CLYBL: variants seen among roughly 807,000 people sequenced by gnomAD.
The protein encoded by CLYBL is citramalyl-CoA lyase, also known as citramalyl-CoA lyase, mitochondrial.
CLYBL carries 31 observed loss-of-function variants against 38.9 expected under a neutral mutation model. That is an observed-to-expected ratio of 0.80 (90% CI 0.60 to 1.08). The LOEUF (loss-of-function observed/expected upper bound fraction) is 1.08. CLYBL is among the 50% of genes least tolerant of loss of function. The pLI, the probability that CLYBL is intolerant of heterozygous loss-of-function variation, is 0.00. For missense variants in CLYBL, 434 were observed against 411.6 expected (o/e 1.05, Z -0.47); for synonymous variants, 171 against 158.6 (o/e 1.08, Z -0.59).
chr13:99,803,645 G>T (rs2050176475), intron 2 of CLYBL, among the ~76,000 whole-genome samples: 1 of 152,224 alleles, frequency 6.6e-6, no homozygotes, highest in Non-Finnish European at 1.5e-5. Flanking sequence ...AAGAAAATAT[G>T]TATGTAAAAC....
intron 1 of CLYBL, among the ~76,000 whole-genome samples, chr13:99,711,922 G>C (rs2048239599): frequency 7.5e-6 from 1 of 132,988 alleles, no homozygotes; most frequent in Non-Finnish European, 1.7e-5. Flanking sequence ...TCACCATCTT[G>C]GCCAGGCTGG....
At chr13:99,654,920 G>A in intron 1 of CLYBL, among the ~76,000 whole-genome samples, 1 of 151,850 alleles carries the variant, frequency 6.6e-6, no homozygotes, top group Non-Finnish European at 1.5e-5. Context: ...CAGGAGAATT[G>A]CTTGAACCCG....
chr13:99,665,740 G>C (rs189633795), intron 1 of CLYBL, among the ~76,000 whole-genome samples: 11 of 152,242 alleles, frequency 7.2e-5, no homozygotes, highest in African/African-American at 2.6e-4. Context: ...TAGAAGTTTA[G>C]AGGAGGTATT....
chr13:99,824,562 C>T (rs2050656925), intron 2 of CLYBL, among the ~76,000 whole-genome samples: 1 of 152,120 alleles, frequency 6.6e-6, no homozygotes, highest in Admixed American at 6.6e-5. Context: ...TTAGTATCAG[C>T]CCAGCCTGCC....
intron 1 of CLYBL, among the ~76,000 whole-genome samples, chr13:99,697,983 C>T (rs756645838): frequency 2.4e-4 from 37 of 152,036 alleles, no homozygotes; most frequent in Non-Finnish European, 4.9e-4. Flanking sequence ...GGCAGCAGGG[C>T]ACTGGGCCAA....
chr13:99,664,661 C>T (rs12873858), intron 1 of CLYBL, among the ~76,000 whole-genome samples: 15,648 of 152,144 alleles, frequency 0.1, 848 homozygotes, highest in South Asian at 0.15. Flanking sequence ...TAACGTGCGA[C>T]GTAGTGCCAG....
At chr13:99,875,866 CTCTT>C (rs1456591008) in intron 7 of CLYBL, among the ~76,000 whole-genome samples, 13 of 152,148 alleles carry the variant, frequency 8.5e-5, no homozygotes, top group Admixed American at 7.9e-4. Flanking sequence ...TTGCACTTTT[CTCTT>C]TATTTCCCTG....
At chr13:99,819,439 T>A (rs1240753173) in intron 2 of CLYBL, among the ~76,000 whole-genome samples, 1 of 81,678 alleles carries the variant, frequency 1.2e-5, no homozygotes, top group Non-Finnish European at 2.5e-5. Context: ...TATATATATA[T>A]ATATATATAT....
Position 99,751,517 on chromosome 13 carries a change from G to C in CLYBL, c.63-21307G>C, listed in dbSNP as rs139599859. 5.9e-3 allele frequency among the ~76,000 whole-genome samples: 903 copies of C among 152,248 alleles called. 5 individuals carry two copies. Among genetic ancestry groups the C allele is most frequent in the South Asian group, 0.024 (118 of 4,824 alleles). On this transcript the variant is annotated intron_variant, in intron 1 of 8. Transcript: ENST00000339105. Reference sequence around the variant, plus strand: ...ATTACAGGCGTGAGCCCCTACACCTGGTGAACCTTGAAGATATTATGCTGA... The same window carrying C: ...ATTACAGGCGTGAGCCCCTACACCTCGTGAACCTTGAAGATATTATGCTGA...
chr13:99,651,660 A>G (rs1386744564), intron 1 of CLYBL, among the ~76,000 whole-genome samples: 2 of 149,806 alleles, frequency 1.3e-5, no homozygotes, highest in Non-Finnish European at 3.0e-5. Context: ...GGCCAGGTGC[A>G]GTGGCTCACG....
intron 1 of CLYBL, among the ~76,000 whole-genome samples, chr13:99,687,502 C>A (rs1045224346): frequency 6.6e-6 from 1 of 152,074 alleles, no homozygotes; most frequent in Non-Finnish European, 1.5e-5. Context: ...CTGTAATGTG[C>A]GTTTGTTTCA....
At position 99,809,639 on chromosome 13, in the gene CLYBL, C is replaced by T. The variant is rs570560461; in HGVS notation, c.249+36629C>T. Among the ~76,000 whole-genome samples the T allele has an allele frequency of 1.2e-3, 180 of 152,382 alleles. 1 individual carries two copies. Among genetic ancestry groups the T allele is most frequent in the South Asian group, 3.7e-3 (18 of 4,824 alleles). Reference sequence around the variant, plus strand: ...ATGGCTGCAGGCCCCTTGGCTGTCACGCTGTTAGCGATTAGCTGTTTTCAG... The same window carrying T: ...ATGGCTGCAGGCCCCTTGGCTGTCATGCTGTTAGCGATTAGCTGTTTTCAG... On this transcript the variant is annotated intron_variant, in intron 2 of 8. Transcript: ENST00000339105.
rs555408978 is a variant in CLYBL, at chr13:99,861,074, T to G, written c.439-1917T>G. ...CCAATCTCTTTGTGATTTCTCCCCC[T>G]TCTTCTCCTCCCCCTACCCCAGTCC... On this transcript the variant is annotated intron_variant, in intron 3 of 8. Coordinates refer to ENST00000339105, the MANE Select transcript of CLYBL (RefSeq NM_206808.5). 2.6e-5 allele frequency among the ~76,000 whole-genome samples: 4 copies of G among 152,246 alleles called. No individual in the cohort carries two copies. In the East Asian group the frequency reaches 7.7e-4, roughly 29 times the overall value.
chr13:99,884,344 T>C (rs1421410282), intron 7 of CLYBL, among the ~76,000 whole-genome samples: 2 of 152,128 alleles, frequency 1.3e-5, no homozygotes, highest in Non-Finnish European at 2.9e-5. Context: ...CACTGTCCCC[T>C]CGATCACCCA....
chr13:99,685,886 C>T (rs974279445), intron 1 of CLYBL, among the ~76,000 whole-genome samples: 3 of 152,078 alleles, frequency 2.0e-5, no homozygotes, highest in African/African-American at 4.8e-5. Context: ...CGCTTGAACC[C>T]GGGAGGTGGA....
rs558352984 is a variant in CLYBL, at chr13:99,840,207, T to C, written c.250-18654T>C. On this transcript the variant is annotated intron_variant, in intron 2 of 8. Transcript: ENST00000339105. ...GACCTCGGGAACTCTGTCCTTGTGG[T>C]CCTCATCCCTTCATTCTCCTCCTGA... 6.6e-5 allele frequency among the ~76,000 whole-genome samples: 10 copies of C among 150,894 alleles called. No homozygotes were observed. The South Asian group carries it at 1.3e-3, about 19-fold the overall frequency.
rs2052487038 is a variant in CLYBL, at chr13:99,891,408, A to C, written c.1018A>C (p.Lys340Gln). The C allele has an allele frequency of 6.2e-7, 1 of 1,611,436 alleles. No individual in the cohort carries two copies. Among genetic ancestry groups the C allele is most frequent in the Admixed American group, 1.7e-5 (1 of 59,998 alleles). Residue 340 changes from lysine (K) to glutamine (Q), a missense_variant, in exon 8 of 9, where the codon AAA becomes CAA. Coordinates refer to ENST00000339105, the MANE Select transcript of CLYBL (RefSeq NM_206808.5). ...TACGCTTGCCACCTCCATCAAGGAA[A>C]AATGATCTGTTAAATGAAGCTGTCA... is the stretch of plus-strand genomic sequence containing the variant. ...TVTLATSIKE[K>Q]
At chr13:99,698,131 T>G (rs533887378) in intron 1 of CLYBL, among the ~76,000 whole-genome samples, 1 of 152,316 alleles carries the variant, frequency 6.6e-6, no homozygotes, top group African/African-American at 2.4e-5. Flanking sequence ...ACATATGTGT[T>G]TTCATGCTGC....
At chr13:99,795,518 G>C (rs2050003872) in intron 2 of CLYBL, among the ~76,000 whole-genome samples, 1 of 152,084 alleles carries the variant, frequency 6.6e-6, no homozygotes, top group Admixed American at 6.6e-5. Context: ...CCCAGGCATG[G>C]TGGCATGTGC....
Sources: allele counts gnomAD v4.1 joint callset (sites outside exome capture counted in the v4.1 genomes callset), GRCh38; gene constraint gnomAD v4.1.1; transcripts MANE v1.5; gene names NCBI Gene and HGNC (gene_info 2026-07-23, HGNC 2026-07-21).